Variants in WDR20 observed in about 807,000 individuals in gnomAD.
WDR20 encodes WD repeat domain 20, also known as WD repeat-containing protein 20.
WDR20 carries 3 observed loss-of-function variants against 38.7 expected under a neutral mutation model. The observed-to-expected ratio is 0.08, with a 90% CI of 0.04 to 0.20. The LOEUF (loss-of-function observed/expected upper bound fraction) is 0.20. Among genes scored for constraint, WDR20 ranks in the 10% least tolerant of loss-of-function variants. WDR20 has a pLI of 1.00. For synonymous variants in WDR20, 298 were observed against 285.6 expected, an observed-to-expected ratio of 1.04 and a Z score of -0.44; for missense variants, 559 against 727.7, an observed-to-expected ratio of 0.77 and a Z score of 2.67.
intron 1 of WDR20, among the ~76,000 whole-genome samples, chr14:102,142,773 A>ACTG (rs2051855104): frequency 3.0e-5 from 1 of 33,874 alleles, no homozygotes; most frequent in Non-Finnish European, 5.6e-5. Context: ...GGCTGTTTTG[A>ACTG]CTTTTTTTTT....
chr14:102,172,667 C>T (rs1253359804), intron 1 of WDR20, among the ~76,000 whole-genome samples: 2 of 143,494 alleles, frequency 1.4e-5, no homozygotes, highest in African/African-American at 2.6e-5. Context: ...AGGGGGCTGA[C>T]CCCCCCACCT....
upstream of WDR20, chr14:102,139,491 G>A: frequency 7.2e-7 from 1 of 1,379,852 alleles, no homozygotes; most frequent in South Asian, 1.4e-5. Context: ...TGGGGTCCCG[G>A]CGCCCCTCAG....
At chr14:102,141,336 A>T (rs542982315) in intron 1 of WDR20, among the ~76,000 whole-genome samples, 1 of 152,326 alleles carries the variant, frequency 6.6e-6, no homozygotes, top group East Asian at 1.9e-4. Flanking sequence ...TTCGCTTGTT[A>T]CAAGAGCTAG....
downstream of WDR20, among the ~76,000 whole-genome samples, chr14:102,216,554 C>T (rs2063243304): frequency 6.6e-6 from 1 of 152,176 alleles, no homozygotes; most frequent in Admixed American, 6.5e-5. Context: ...ATTAAGTTGA[C>T]AGCAAGTTTT....
At chr14:102,171,938 T>C (rs907855539) in intron 1 of WDR20, among the ~76,000 whole-genome samples, 7 of 151,170 alleles carry the variant, frequency 4.6e-5, no homozygotes, top group Non-Finnish European at 7.4e-5. Flanking sequence ...TTTTTATTGA[T>C]CATTCTTGGG....
At position 102,221,683 on chromosome 14, in the gene WDR20, G is replaced by A. The variant is rs1160523415; in HGVS notation, c.1693-1147G>A. ...GGTAAGAAACGGGATGAAATGACTTGAGCGGGACAGCTTGCTTCCAGGCTT... is the reference window on the plus strand; with the variant it reads ...GGTAAGAAACGGGATGAAATGACTTAAGCGGGACAGCTTGCTTCCAGGCTT... On this transcript the variant is annotated intron_variant, in intron 3 of 3. Coordinates refer to the WDR20 transcript ENST00000335263. This position sits in a 1 kb window ranked among gnomAD's most constrained non-coding sequence, Gnocchi z 4.8. Among the ~76,000 whole-genome samples, 3 of 152,206 alleles carry A rather than the reference G, an allele frequency of 2.0e-5. No homozygotes were observed. The East Asian group carries it at 5.8e-4, about 29-fold the overall frequency.
intron 1 of WDR20, among the ~76,000 whole-genome samples, chr14:102,141,328 C>T (rs1179981930): frequency 6.6e-6 from 1 of 152,182 alleles, no homozygotes; most frequent in Non-Finnish European, 1.5e-5. Flanking sequence ...ACAGGATTTT[C>T]GCTTGTTACA....
downstream of WDR20, among the ~76,000 whole-genome samples, chr14:102,215,652 T>A (rs1346848684): frequency 6.6e-6 from 1 of 152,142 alleles, no homozygotes; most frequent in Non-Finnish European, 1.5e-5. Flanking sequence ...CAGTAGGAGC[T>A]CTTTTCCTGG....
downstream of WDR20, among the ~76,000 whole-genome samples, chr14:102,212,253 T>C (rs561475003): frequency 9.2e-5 from 14 of 152,340 alleles, no homozygotes; most frequent in East Asian, 2.5e-3. Flanking sequence ...AACAATCTTT[T>C]TCTTCCAGTT....
downstream of WDR20, chr14:102,215,041 G>C (rs2063048500): frequency 6.2e-6 from 6 of 965,246 alleles, no homozygotes; most frequent in South Asian, 2.4e-4. Flanking sequence ...TCACATCTAA[G>C]CTTTAAAAAT....
intron 1 of WDR20, among the ~76,000 whole-genome samples, chr14:102,166,293 T>G (rs2059771112): frequency 6.6e-6 from 1 of 152,240 alleles, no homozygotes; most frequent in African/African-American, 2.4e-5. Context: ...ACTGATTAAT[T>G]TATTTGCATT....
intron 2 of WDR20, among the ~76,000 whole-genome samples, chr14:102,202,653 T>G (rs2060690347): frequency 6.6e-6 from 1 of 152,168 alleles, no homozygotes; most frequent in Non-Finnish European, 1.5e-5. Flanking sequence ...GTACTGGGAT[T>G]ACAGGTGTGA....
intron 1 of WDR20, among the ~76,000 whole-genome samples, chr14:102,172,180 C>G (rs1412595573): frequency 6.6e-6 from 1 of 151,106 alleles, no homozygotes; most frequent in Non-Finnish European, 1.5e-5. Flanking sequence ...CCATTTAACC[C>G]TGAGTGGACA....
At chr14:102,183,351 G>T (rs1344895722) in intron 1 of WDR20, among the ~76,000 whole-genome samples, 1 of 152,174 alleles carries the variant, frequency 6.6e-6, no homozygotes, top group Non-Finnish European at 1.5e-5. Context: ...AAGCATTTTG[G>T]CCACTTGTTT....
intron 1 of WDR20, among the ~76,000 whole-genome samples, chr14:102,146,781 C>T (rs1387031850): frequency 6.6e-6 from 1 of 152,156 alleles, no homozygotes; most frequent in Non-Finnish European, 1.5e-5. Context: ...CATGTTCACA[C>T]CATTCTCCCC....
At chr14:102,204,162 C>T (rs1279417944) in intron 2 of WDR20, among the ~76,000 whole-genome samples, 2 of 152,106 alleles carry the variant, frequency 1.3e-5, no homozygotes, top group Non-Finnish European at 2.9e-5. Flanking sequence ...AGCATGCTCG[C>T]TTTGGGGTCT....
At chr14:102,197,840 C>T (rs2059662796) in intron 2 of WDR20, 1 of 702,580 alleles carries the variant, frequency 1.4e-6, no homozygotes, top group Non-Finnish European at 2.6e-6. Context: ...GCTCTAGTAA[C>T]TGTCCAGGTG....
At chr14:102,203,269 C>A (rs760583661) in intron 2 of WDR20, among the ~76,000 whole-genome samples, 2 of 152,184 alleles carry the variant, frequency 1.3e-5, no homozygotes, top group Non-Finnish European at 2.9e-5. Flanking sequence ...TAGTAAAAAC[C>A]AGGTGAAATT....
intron 2 of WDR20, among the ~76,000 whole-genome samples, chr14:102,195,522 A>G (rs1641881303): frequency 1.3e-5 from 2 of 152,244 alleles, no homozygotes; most frequent in African/African-American, 4.8e-5. Context: ...ATTGTAGCCA[A>G]AGCTTTTGTA....
Sources: gnomAD v4.1 joint callset for allele counts (sites outside exome capture counted in the v4.1 genomes callset) on GRCh38, gnomAD v4.1.1 for gene constraint, Gnocchi (gnomAD v3.1) non-coding constraint, MANE v1.5 for transcripts, NCBI Gene and HGNC (gene_info 2026-07-23, HGNC 2026-07-21) for gene names.